Variants in DLG2 observed in about 807,000 individuals in gnomAD.
DLG2 encodes disks large homolog 2.
In DLG2, 45 loss-of-function variants were observed where a neutral mutation model predicts 132.5. The observed-to-expected ratio is 0.34, with a 90% CI of 0.27 to 0.44. DLG2 has a LOEUF of 0.44. Ranked by LOEUF, DLG2 falls within the 20% of genes least tolerant of loss-of-function variation. DLG2 has a pLI of 1.00. For missense variants in DLG2, 1,045 were observed against 1,196.9 expected (o/e 0.87, Z 1.87); for synonymous variants, 424 against 419.6 (o/e 1.01, Z -0.13).
intron 10 of DLG2, among the ~76,000 whole-genome samples, chr11:84,084,819 A>C (rs1014182867): frequency 2.0e-5 from 3 of 152,280 alleles, no homozygotes; most frequent in African/African-American, 7.2e-5. Flanking sequence ...ACTCTGGCCC[A>C]CTTTCAGTAA....
intron 6 of DLG2, among the ~76,000 whole-genome samples, chr11:84,671,927 C>T (rs183165650): frequency 8.1e-4 from 123 of 152,096 alleles, no homozygotes; most frequent in Admixed American, 1.6e-3. Context: ...TTCTGTGTTC[C>T]CTGGATGGAA....
At chr11:84,507,149 G>A (rs1200756769) in intron 7 of DLG2, among the ~76,000 whole-genome samples, 1 of 152,154 alleles carries the variant, frequency 6.6e-6, no homozygotes, top group African/African-American at 2.4e-5. Context: ...TATCGTCAAT[G>A]AATATTCATA....
intron 6 of DLG2, among the ~76,000 whole-genome samples, chr11:85,080,541 G>A (rs1019805002): frequency 6.6e-6 from 1 of 152,108 alleles, no homozygotes; most frequent in Non-Finnish European, 1.5e-5. Flanking sequence ...TCATATGAGA[G>A]CAGTTTATTT....
At chr11:85,416,523 A>G (rs1044975787) in intron 3 of DLG2, among the ~76,000 whole-genome samples, 1 of 151,910 alleles carries the variant, frequency 6.6e-6, no homozygotes, top group African/African-American at 2.4e-5. Context: ...ATCTGTAAGT[A>G]ACTTTAGGCA....
chr11:84,010,185 C>T (rs1042908243), intron 11 of DLG2, among the ~76,000 whole-genome samples: 2 of 151,936 alleles, frequency 1.3e-5, no homozygotes, highest in South Asian at 2.1e-4. Flanking sequence ...CTGTAACACA[C>T]GTTGCTAAAT....
At chr11:83,734,338 CCCTTCCTT>C (rs563427546) in intron 18 of DLG2, among the ~76,000 whole-genome samples, 15,920 of 95,036 alleles carry the variant, frequency 0.17, 1,759 homozygotes, top group East Asian at 0.27. Flanking sequence ...CACTAATTTT[CCCTTCCTT>C]CCTTCCTTCC....
At chr11:85,385,002 T>C (rs1404207254) in intron 3 of DLG2, among the ~76,000 whole-genome samples, 2 of 152,204 alleles carry the variant, frequency 1.3e-5, no homozygotes, top group South Asian at 2.1e-4. Context: ...GGGAGCTCAA[T>C]AGATGTGGAT....
intron 17 of DLG2, chr11:83,790,653 G>A: frequency 9.1e-7 from 1 of 1,102,754 alleles, no homozygotes; most frequent in South Asian, 1.2e-5. Flanking sequence ...TGGTGAGAGT[G>A]GAGGGACATG....
At chr11:84,493,999 G>A (rs1021044442) in intron 7 of DLG2, among the ~76,000 whole-genome samples, 1 of 152,160 alleles carries the variant, frequency 6.6e-6, no homozygotes, top group Non-Finnish European at 1.5e-5. Context: ...GTTGATGTAA[G>A]TGAGGTGGTT....
chr11:84,720,425 C>T lies in DLG2; in HGVS notation c.358-185694G>A, dbSNP rs182769224. 271 of 985,426 alleles carry T rather than the reference C, an allele frequency of 2.8e-4. 1 individual carries two copies. In the African/African-American group the frequency reaches 4.5e-3, roughly 16 times the overall value. The allele number at this position is 985,426 out of a possible 1,614,324, so 61.0% of individuals were successfully genotyped here. A position where few individuals can be genotyped will look rare whatever the true frequency, so the allele number is the denominator to read the frequency against. ...CTTCCGGGCTGCGGCAGTGGCAGCT[C>T]GCTGGGGGACCCAAACGCTGTGCTC... is the stretch of plus-strand genomic sequence containing the variant. On this transcript the variant is annotated intron_variant, in intron 6 of 27. Coordinates refer to ENST00000376104, the MANE Select transcript of DLG2 (RefSeq NM_001142699.3).
chr11:85,195,523 GTT>G (rs34574453), intron 4 of DLG2, among the ~76,000 whole-genome samples: 3,025 of 133,620 alleles, frequency 0.023, 33 homozygotes, highest in Admixed American at 0.04. Flanking sequence ...AAGTGACAGT[GTT>G]TTTTTTTTTT....
chr11:83,917,212 T>C (rs905285595), intron 15 of DLG2, among the ~76,000 whole-genome samples: 3 of 152,204 alleles, frequency 2.0e-5, no homozygotes, highest in African/African-American at 7.2e-5. Context: ...GTTACTGGTG[T>C]TGAAAATAAA....
intron 7 of DLG2, among the ~76,000 whole-genome samples, chr11:84,418,902 T>G (rs2098939072): frequency 6.6e-6 from 1 of 152,236 alleles, no homozygotes; most frequent in African/African-American, 2.4e-5. Context: ...CCTTGGAATA[T>G]TCTCTATTTT....
intron 6 of DLG2, among the ~76,000 whole-genome samples, chr11:85,019,540 T>C (rs1427483489): frequency 6.6e-6 from 1 of 152,176 alleles, no homozygotes; most frequent in Non-Finnish European, 1.5e-5. Flanking sequence ...TACATATGTA[T>C]ATATGTGCCA....
At chr11:84,389,511 T>C (rs545255959) in intron 7 of DLG2, among the ~76,000 whole-genome samples, 1 of 152,298 alleles carries the variant, frequency 6.6e-6, no homozygotes, top group Non-Finnish European at 1.5e-5. Context: ...TAACAATAAT[T>C]TTGTTTACAC....
intron 3 of DLG2, among the ~76,000 whole-genome samples, chr11:85,510,476 C>A (rs2094035714): frequency 6.6e-6 from 1 of 151,856 alleles, no homozygotes; most frequent in Admixed American, 6.6e-5. Context: ...ACTCATCTGA[C>A]AAAGGGCTAA....
intron 7 of DLG2, among the ~76,000 whole-genome samples, chr11:84,502,362 CTTTCTTTCTTTCTTTCTTTCTT>C (rs2099220011): frequency 2.8e-5 from 2 of 71,220 alleles, no homozygotes; most frequent in Admixed American, 3.2e-4. Flanking sequence ...TTCTTTCTTT[CTTTCTTTCTTTCTTTCTTTCTT>C]TCTTTCTTTC....
chr11:85,376,883 G>A (rs1043276083), intron 3 of DLG2, among the ~76,000 whole-genome samples: 2 of 152,144 alleles, frequency 1.3e-5, no homozygotes, highest in African/African-American at 4.8e-5. Flanking sequence ...GGATTAAGCT[G>A]TACTGGATAT....
chr11:84,547,582 A>G (rs1487268167), intron 6 of DLG2, among the ~76,000 whole-genome samples: 1 of 151,860 alleles, frequency 6.6e-6, no homozygotes, highest in African/African-American at 2.4e-5. Context: ...AACTTTCCCA[A>G]CTCTTTTTCA....
Sources: gnomAD v4.1 joint callset for allele counts (sites outside exome capture counted in the v4.1 genomes callset) on GRCh38, gnomAD v4.1.1 for gene constraint, MANE v1.5 for transcripts, NCBI Gene and HGNC (gene_info 2026-07-23, HGNC 2026-07-21) for gene names.